Variants in CNTNAP5 observed in about 807,000 individuals in gnomAD.
CNTNAP5 encodes the protein contactin associated protein family member 5, also known as contactin-associated protein-like 5.
CNTNAP5 carries 72 observed loss-of-function variants against 150.2 expected under a neutral mutation model. That is an observed-to-expected ratio of 0.48 (90% CI 0.40 to 0.58). The LOEUF (loss-of-function observed/expected upper bound fraction) is 0.58, where lower values mean the gene tolerates loss of function less well. CNTNAP5 is among the 20% of genes least tolerant of loss of function. The pLI is 0.00. For synonymous variants in CNTNAP5, 672 were observed against 619.8 expected (o/e 1.08, Z -1.25); for missense variants, 1,636 against 1,626.2 (o/e 1.01, Z -0.10).
In CNTNAP5 at chr2:124,326,350, G is replaced by A. The variant is rs143754432; in HGVS notation, c.381+83957G>A. The stretch of plus-strand genomic sequence containing the variant: ...CTTGTTTTTCAGCCAAGATCTTCTG[G>A]TGTGCATTTGTGTGTGTGCCTGTGC... On this transcript the variant is annotated intron_variant, in intron 3 of 23. Transcript: ENST00000682447. Among the ~76,000 whole-genome samples, 877 of 152,286 alleles carry A rather than the reference G, an allele frequency of 5.8e-3. 7 individuals are homozygous for A. Among genetic ancestry groups the A allele is most frequent in the Non-Finnish European group, 9.4e-3 (638 of 68,026 alleles).
At chr2:124,412,768 A>T (rs1018398025) in intron 3 of CNTNAP5, among the ~76,000 whole-genome samples, 52 of 105,166 alleles carry the variant, frequency 4.9e-4, no homozygotes, top group African/African-American at 2.0e-3. Context: ...ACCTAAAACC[A>T]TAAAAACCCT....
chr2:124,901,276 A>G (rs1438216572), intron 21 of CNTNAP5, among the ~76,000 whole-genome samples: 4 of 151,576 alleles, frequency 2.6e-5, no homozygotes, highest in Non-Finnish European at 5.9e-5. Context: ...ACATTAGGCC[A>G]TGTGTCAAAG....
At chr2:124,662,782 A>G (rs1678620290) in intron 13 of CNTNAP5, among the ~76,000 whole-genome samples, 1 of 152,246 alleles carries the variant, frequency 6.6e-6, no homozygotes, top group Non-Finnish European at 1.5e-5. Context: ...TACTATACGT[A>G]GTTGATTACA....
intron 19 of CNTNAP5, among the ~76,000 whole-genome samples, chr2:124,832,066 T>G (rs979875574): frequency 1.3e-5 from 2 of 152,120 alleles, no homozygotes; most frequent in Admixed American, 6.6e-5. Flanking sequence ...CTTTCTGTTT[T>G]GGGCTGAGTT....
At chr2:124,105,846 T>C (rs957334966) in intron 1 of CNTNAP5, among the ~76,000 whole-genome samples, 40 of 152,294 alleles carry the variant, frequency 2.6e-4, no homozygotes, top group African/African-American at 7.7e-4. Flanking sequence ...TGAGAACATA[T>C]TGATGCTTTC....
chr2:124,338,339 C>A (rs954898969), intron 3 of CNTNAP5, among the ~76,000 whole-genome samples: 1 of 152,138 alleles, frequency 6.6e-6, no homozygotes, highest in Admixed American at 6.6e-5. Flanking sequence ...TCCTCTTTTC[C>A]TAATCGAATA....
In CNTNAP5 at chr2:124,918,363, C is replaced by T. The variant is rs559212321; in HGVS notation, c.*4075C>T. On this transcript the variant is annotated 3_prime_UTR_variant, in exon 24 of 24. Coordinates refer to ENST00000682447, the MANE Select transcript of CNTNAP5 (RefSeq NM_001367498.1). ...CATTTCTGAACCTAACTGAAGTCTA[C>T]CCTTCCATCAGTAATTGACTAAAAA... Among the ~76,000 whole-genome samples the T allele has an allele frequency of 3.3e-5, 5 of 152,030 alleles. No individual in the cohort carries two copies. The highest frequency in any genetic ancestry group is 1.2e-4 in the African/African-American group (5 of 41,416).
rs75600713 is a variant in CNTNAP5, at chr2:124,717,042, G to A, written c.2078-30187G>A. On this transcript the variant is annotated intron_variant, in intron 13 of 23. Transcript: ENST00000682447. ...CTTAATCTCTGGATGATCATCCCCC[G>A]CACTTTATTTTCATTTGGCCATGCT... 7.5e-4 allele frequency among the ~76,000 whole-genome samples: 114 copies of A among 152,142 alleles called. 1 individual carries two copies. The East Asian group carries it at 0.015, about 19-fold the overall frequency.
At chr2:124,574,698 G>T (rs1696238432) in intron 11 of CNTNAP5, among the ~76,000 whole-genome samples, 2 of 152,198 alleles carry the variant, frequency 1.3e-5, no homozygotes, top group South Asian at 4.1e-4. Flanking sequence ...GGCATCATGT[G>T]ATTGTTCAGT....
At chr2:124,652,657 G>T (rs554839149) in intron 13 of CNTNAP5, among the ~76,000 whole-genome samples, 2 of 152,280 alleles carry the variant, frequency 1.3e-5, no homozygotes, top group South Asian at 4.1e-4. Context: ...GCAAGTGACC[G>T]CATGGGGAAA....
At chr2:124,693,601 CGT>C (rs1558737940) in intron 13 of CNTNAP5, among the ~76,000 whole-genome samples, 1 of 152,030 alleles carries the variant, frequency 6.6e-6, no homozygotes, top group Non-Finnish European at 1.5e-5. Context: ...GTACTTTACA[CGT>C]GTTAGTTACT....
At chr2:124,647,474 C>T (rs1678227108) in intron 12 of CNTNAP5, among the ~76,000 whole-genome samples, 1 of 152,206 alleles carries the variant, frequency 6.6e-6, no homozygotes, top group African/African-American at 2.4e-5. Flanking sequence ...TATTGCTTCA[C>T]TTCCAACTTA....
intron 22 of CNTNAP5, among the ~76,000 whole-genome samples, chr2:124,906,568 A>T (rs759602295): frequency 2.6e-5 from 4 of 152,172 alleles, no homozygotes; most frequent in Non-Finnish European, 2.9e-5. Context: ...ATCTTATTGC[A>T]TTAAACAAGT....
intron 4 of CNTNAP5, among the ~76,000 whole-genome samples, chr2:124,419,103 C>T (rs917432269): frequency 1.6e-5 from 2 of 125,222 alleles, no homozygotes; most frequent in African/African-American, 2.9e-5. Flanking sequence ...CACTGCAGTC[C>T]GCCGTCCGGC....
chr2:124,215,611 T>C (rs1046153049), intron 1 of CNTNAP5, among the ~76,000 whole-genome samples: 5 of 151,918 alleles, frequency 3.3e-5, no homozygotes, highest in Admixed American at 2.6e-4. Flanking sequence ...TTTTCTCTTC[T>C]TACCTTTTTT....
At chr2:124,851,002 A>G (rs528830853) in intron 19 of CNTNAP5, among the ~76,000 whole-genome samples, 1 of 152,232 alleles carries the variant, frequency 6.6e-6, no homozygotes, top group African/African-American at 2.4e-5. Context: ...TAGAGAAAGT[A>G]TAGATAACGC....
intron 3 of CNTNAP5, among the ~76,000 whole-genome samples, chr2:124,350,515 T>C (rs985934243): frequency 4.0e-5 from 6 of 151,824 alleles, no homozygotes; most frequent in Admixed American, 6.6e-5. Context: ...TTCGTACTAT[T>C]AATTCTTTAC....
intron 1 of CNTNAP5, among the ~76,000 whole-genome samples, chr2:124,197,817 T>C (rs909006668): frequency 4.6e-5 from 7 of 151,818 alleles, no homozygotes; most frequent in African/African-American, 1.7e-4. Context: ...CCGTCTCTAC[T>C]AAAAATACAA....
intron 16 of CNTNAP5, among the ~76,000 whole-genome samples, chr2:124,767,829 TTC>T: frequency 6.6e-6 from 1 of 152,328 alleles, no homozygotes; most frequent in East Asian, 1.9e-4. Context: ...TCTGATGGTT[TTC>T]TCTCTCTGTT....
Sources: gnomAD v4.1 joint callset for allele counts (sites outside exome capture counted in the v4.1 genomes callset) on GRCh38, gnomAD v4.1.1 for gene constraint, MANE v1.5 for transcripts, NCBI Gene and HGNC (gene_info 2026-07-23, HGNC 2026-07-21) for gene names.